GRIA4: variants seen among roughly 807,000 people sequenced by gnomAD.
GRIA4 encodes the protein glutamate ionotropic receptor AMPA type subunit 4.
In GRIA4, 34 loss-of-function variants were observed where a neutral mutation model predicts 104.0. That is an observed-to-expected ratio of 0.33 (90% CI 0.25 to 0.44). GRIA4 has a LOEUF of 0.44. Ranked by LOEUF, GRIA4 falls within the 20% of genes least tolerant of loss-of-function variation. The probability of loss-of-function intolerance (pLI) is 1.00; values close to 1 mark genes in which losing one functional copy is unlikely to be tolerated. For synonymous variants in GRIA4, 386 were observed against 381.9 expected, an observed-to-expected ratio of 1.01 and a Z score of -0.13; for missense variants, 750 against 1,096.5, an observed-to-expected ratio of 0.68 and a Z score of 4.46.
At chr11:105,893,605 T>C (rs1946532460) in intron 6 of GRIA4, among the ~76,000 whole-genome samples, 1 of 152,158 alleles carries the variant, frequency 6.6e-6, no homozygotes. Context: ...GACTCGAAAA[T>C]GTGAACTATT....
At chr11:105,854,652 G>A (rs1047027269) in intron 4 of GRIA4, among the ~76,000 whole-genome samples, 1 of 152,096 alleles carries the variant, frequency 6.6e-6, no homozygotes, top group African/African-American at 2.4e-5. Flanking sequence ...GGAAGAAATG[G>A]CCAGGTTTTT....
chr11:105,944,947 CT>C (rs1948272303), intron 14 of GRIA4, among the ~76,000 whole-genome samples: 1 of 152,212 alleles, frequency 6.6e-6, no homozygotes, highest in African/African-American at 2.4e-5. Flanking sequence ...GTTTTTCTAG[CT>C]CTCCCAGCTA....
chr11:105,742,572 GTA>G (rs575352684), intron 3 of GRIA4, among the ~76,000 whole-genome samples: 1 of 150,312 alleles, frequency 6.7e-6, no homozygotes, highest in African/African-American at 2.5e-5. Flanking sequence ...ATACATGTGT[GTA>G]TATATATACA....
intron 4 of GRIA4, among the ~76,000 whole-genome samples, chr11:105,754,858 T>C (rs1323879266): frequency 6.6e-6 from 1 of 152,186 alleles, no homozygotes; most frequent in Admixed American, 6.6e-5. Context: ...ATTTTAGAGG[T>C]TCCTAAATAT....
At chr11:105,906,375 G>T (rs1947041661) in intron 9 of GRIA4, among the ~76,000 whole-genome samples, 1 of 152,126 alleles carries the variant, frequency 6.6e-6, no homozygotes, top group Non-Finnish European at 1.5e-5. Context: ...GGAAAACAAA[G>T]AAAGGAAGGC....
chr11:105,787,528 T>C (rs1001343361), intron 4 of GRIA4, among the ~76,000 whole-genome samples: 2 of 131,972 alleles, frequency 1.5e-5, no homozygotes, highest in Middle Eastern at 5.7e-3. Flanking sequence ...TAGGCTGGAG[T>C]GCAATGGAGC....
intron 5 of GRIA4, 136 bp from the exon 6 acceptor site, chr11:105,887,382 GT>G (rs1946302405): frequency 2.1e-6 from 1 of 485,942 alleles, no homozygotes; most frequent in South Asian, 3.5e-5. Flanking sequence ...ACTATAGTAC[GT>G]GACTTTTATT....
At chr11:105,943,200 G>A (rs1042425962) in intron 14 of GRIA4, among the ~76,000 whole-genome samples, 8 of 152,018 alleles carry the variant, frequency 5.3e-5, no homozygotes, top group Non-Finnish European at 7.4e-5. Context: ...GCATATCTTC[G>A]TTGTGAAATG....
chr11:105,695,087 G>A (rs1953220516), intron 3 of GRIA4, among the ~76,000 whole-genome samples: 3 of 152,146 alleles, frequency 2.0e-5, no homozygotes, highest in Admixed American at 2.0e-4. Context: ...CTCCTATTCT[G>A]CTATGCAGAC....
chr11:105,850,038 T>C (rs1004518867), intron 4 of GRIA4, among the ~76,000 whole-genome samples: 3 of 152,188 alleles, frequency 2.0e-5, no homozygotes. Flanking sequence ...TGCCTATCAG[T>C]TTCATGAAAG....
chr11:105,619,288 T>C (rs1286572734), intron 3 of GRIA4, among the ~76,000 whole-genome samples: 2 of 151,952 alleles, frequency 1.3e-5, no homozygotes, highest in Non-Finnish European at 2.9e-5. Context: ...AAATCACATA[T>C]ATCACACATA....
chr11:105,619,144 C>T (rs1015954805), intron 3 of GRIA4, among the ~76,000 whole-genome samples: 11 of 150,758 alleles, frequency 7.3e-5, no homozygotes, highest in Non-Finnish European at 1.5e-4. Context: ...CTAGAATGTT[C>T]TTCTTTCACT....
chr11:105,903,832 T>C lies in GRIA4; in HGVS notation c.904T>C (p.Tyr302His). The C allele has an allele frequency of 1.2e-6, 2 of 1,610,220 alleles. No homozygotes were observed. Among genetic ancestry groups the C allele is most frequent in the Non-Finnish European group, 8.5e-7 (1 of 1,176,424 alleles). Residue 302 changes from tyrosine to histidine, a missense_variant, in exon 8 of 17, where the codon TAT becomes CAT. Coordinates refer to ENST00000282499, the MANE Select transcript of GRIA4 (RefSeq NM_000829.4). ...TPPKYTSALTYDGVLVMAETF... is the reference protein window; with the variant it reads ...TPPKYTSALTHDGVLVMAETF... ...TGGTTAGTACACCTCTGCTCTGACT[T>C]ATGATGGAGTCCTTGTGATGGCTGA...
intron 3 of GRIA4, among the ~76,000 whole-genome samples, chr11:105,667,890 CAT>C (rs771961314): frequency 6.6e-6 from 1 of 151,762 alleles, no homozygotes; most frequent in South Asian, 2.1e-4. Flanking sequence ...ATATATAAAA[CAT>C]GTGTGTTATA....
intron 3 of GRIA4, among the ~76,000 whole-genome samples, chr11:105,749,165 T>C (rs912344478): frequency 6.6e-6 from 1 of 152,174 alleles, no homozygotes; most frequent in Admixed American, 6.6e-5. Flanking sequence ...GTGTCAAACA[T>C]ACCAGGGTAT....
Position 105,772,241 on chromosome 11 carries a change from C to A in GRIA4, c.487+19021C>A, listed in dbSNP as rs185610399. The stretch of plus-strand genomic sequence containing the variant: ...AGTGAATACCATAAACCCTGAATAA[C>A]GCCAACGTACCCGTGCCACTGGCAA... On this transcript the variant is annotated intron_variant, in intron 4 of 16. Coordinates refer to ENST00000282499, the MANE Select transcript of GRIA4 (RefSeq NM_000829.4). 3.3e-5 allele frequency among the ~76,000 whole-genome samples: 5 copies of A among 152,222 alleles called. No individual in the cohort carries two copies. In the East Asian group the frequency reaches 9.7e-4, roughly 29 times the overall value.
chr11:105,612,480 A>G (rs1950505671), intron 3 of GRIA4, 46 bp downstream of exon 3: 1 of 1,478,632 alleles, frequency 6.8e-7, no homozygotes, highest in Non-Finnish European at 9.4e-7. Flanking sequence ...AACTGAAACC[A>G]AGCAATGGAG....
intron 4 of GRIA4, among the ~76,000 whole-genome samples, chr11:105,810,657 A>T (rs1256500653): frequency 6.6e-6 from 1 of 152,130 alleles, no homozygotes; most frequent in Non-Finnish European, 1.5e-5. Flanking sequence ...GCTTTCTCAA[A>T]ATATACCTGA....
chr11:105,665,449 C>G (rs1217575669), intron 3 of GRIA4, among the ~76,000 whole-genome samples: 1 of 151,946 alleles, frequency 6.6e-6, no homozygotes, highest in Non-Finnish European at 1.5e-5. Context: ...TCCCAGGTTT[C>G]TCACCATTAG....
Sources: allele counts gnomAD v4.1 joint callset (sites outside exome capture counted in the v4.1 genomes callset), GRCh38; gene constraint gnomAD v4.1.1; transcripts MANE v1.5; gene names NCBI Gene and HGNC (gene_info 2026-07-23, HGNC 2026-07-21).